DHTKD1: variants seen among roughly 807,000 people sequenced by gnomAD.
The protein encoded by DHTKD1 is 2-oxoadipate dehydrogenase complex component E1.
In DHTKD1, 78 loss-of-function variants were observed where a neutral mutation model predicts 101.8. The observed-to-expected ratio is 0.77, with a 90% confidence interval of 0.64 to 0.93. The LOEUF is 0.93. Ranked by LOEUF, DHTKD1 falls within the 40% of genes least tolerant of loss-of-function variation. The probability of loss-of-function intolerance (pLI) is 0.00; values close to 1 mark genes in which losing one functional copy is unlikely to be tolerated. For synonymous variants in DHTKD1, 462 were observed against 450.3 expected (o/e 1.03, Z -0.33); for missense variants, 1,223 against 1,161.7 (o/e 1.05, Z -0.77).
intron 6 of DHTKD1, among the ~76,000 whole-genome samples, chr10:12,093,495 C>G (rs1032070886): frequency 6.6e-6 from 1 of 152,130 alleles, no homozygotes; most frequent in Non-Finnish European, 1.5e-5. Context: ...AATTGGTCAT[C>G]TTAAGATAAA....
In DHTKD1 at chr10:12,087,297, G is replaced by C. The variant is rs1588607309; in HGVS notation, c.523-238G>C. ...CACACATTCTAAGGGGGTTTCCTTG[G>C]GGTGAGTTATTCTGCCGCTCAGGTT... On this transcript the variant is annotated intron_variant, in intron 3 of 16. Transcript: ENST00000263035. This position sits in a 1 kb window ranked among gnomAD's most constrained non-coding sequence, Gnocchi z 5.2. Among the ~76,000 whole-genome samples, 2 of 152,170 alleles carry C rather than the reference G, an allele frequency of 1.3e-5. No individual in the cohort carries two copies. The highest frequency in any genetic ancestry group is 2.9e-5 in the Non-Finnish European group (2 of 67,984).
In DHTKD1 at chr10:12,119,459, CA is replaced by C. The variant is rs769755049; in HGVS notation, c.2572+548del. On this transcript the variant is annotated intron_variant, in intron 15 of 16. Coordinates refer to ENST00000263035, the MANE Select transcript of DHTKD1 (RefSeq NM_018706.7). ...TGAAACCCCGTCTCTACTGAAAATA[CA>C]AAAAAATTAGCCGGGCGTGGTGGCG... Among the ~76,000 whole-genome samples, 521 of 143,236 alleles carry C rather than the reference CA, an allele frequency of 3.6e-3. 4 individuals carry two copies. The highest frequency in any genetic ancestry group is 7.5e-3 in the Middle Eastern group (2 of 268). 94.0% of individuals were successfully genotyped at this position (143,236 alleles called of 152,430 possible).
At chr10:12,116,874 A>G (rs1258200772) in intron 13 of DHTKD1, among the ~76,000 whole-genome samples, 6 of 150,894 alleles carry the variant, frequency 4.0e-5, no homozygotes, top group Non-Finnish European at 7.4e-5. Context: ...CAATTTTTGT[A>G]TTTTTTTGTA....
chr10:12,115,099 T>G (rs1279241400), intron 13 of DHTKD1, among the ~76,000 whole-genome samples: 1 of 29,210 alleles, frequency 3.4e-5, no homozygotes, highest in African/African-American at 8.0e-5. Flanking sequence ...CCGGCCTGTT[T>G]GAACAGTTTC....
chr10:12,116,986 C>T (rs1421685947), intron 13 of DHTKD1, among the ~76,000 whole-genome samples: 1 of 151,726 alleles, frequency 6.6e-6, no homozygotes, highest in East Asian at 1.9e-4. Flanking sequence ...CAGGCTGGAG[C>T]CACTGCAACT....
chr10:12,118,590 G>A (rs576035201), intron 14 of DHTKD1, among the ~76,000 whole-genome samples, 159 bp from the exon 15 acceptor site: 5 of 151,836 alleles, frequency 3.3e-5, no homozygotes, highest in African/African-American at 7.3e-5. Context: ...CACCGTGTTA[G>A]CCAGGATGGT....
chr10:12,100,287 G>GTTGTTTTTTTTTTTTTTTT, intron 9 of DHTKD1, 25 bp downstream of exon 9: 1 of 269,862 alleles, frequency 3.7e-6, no homozygotes, highest in African/African-American at 3.7e-5. Context: ...TTTTTTTTCT[G>GTTGTTTTTTTTTTTTTTTT]TTTTTTTTTT....
intron 1 of DHTKD1, among the ~76,000 whole-genome samples, chr10:12,078,379 C>G (rs1018658879): frequency 6.6e-6 from 1 of 151,822 alleles, no homozygotes; most frequent in African/African-American, 2.4e-5. Context: ...GAGCCATGAT[C>G]GTGCCGCTGC....
At chr10:12,114,221 A>C (rs1299336208) in intron 13 of DHTKD1, among the ~76,000 whole-genome samples, 2 of 152,146 alleles carry the variant, frequency 1.3e-5, no homozygotes, top group African/African-American at 2.4e-5. Context: ...AAAATAATAA[A>C]TACTACTAAG....
chr10:12,081,340 C>T, intron 1 of DHTKD1, 132 bp from the exon 2 acceptor site: 1 of 681,804 alleles, frequency 1.5e-6, no homozygotes, highest in Non-Finnish European at 2.5e-6. Flanking sequence ...GAGCAAGACC[C>T]TGTCTCTAAA....
intron 13 of DHTKD1, 59 bp from the exon 14 acceptor site, chr10:12,117,614 A>G: frequency 1.0e-6 from 1 of 997,984 alleles, no homozygotes; most frequent in Non-Finnish European, 1.6e-6. Flanking sequence ...GGCCCTTGTA[A>G]GTGACAGCAT....
At chr10:12,072,709 T>C (rs1001606080) in intron 1 of DHTKD1, among the ~76,000 whole-genome samples, 6 of 151,970 alleles carry the variant, frequency 3.9e-5, no homozygotes, top group African/African-American at 1.4e-4. Flanking sequence ...TGGAGGTGGG[T>C]TTAGGAGTAG....
chr10:12,091,601 G>C lies in DHTKD1; in HGVS notation c.1076G>C (p.Ser359Thr). The C allele has an allele frequency of 6.2e-7, 1 of 1,613,690 alleles. No homozygotes were observed. Among genetic ancestry groups the C allele is most frequent in the Non-Finnish European group, 8.5e-7 (1 of 1,179,944 alleles). Residue 359 changes from serine (S) to threonine (T), a missense_variant, in exon 6 of 17, where the codon AGT becomes ACT. Physicochemically the swap from Ser to Thr is moderately conservative, Grantham distance 58 (BLOSUM62 1). Coordinates refer to ENST00000263035, the MANE Select transcript of DHTKD1 (RefSeq NM_018706.7). ...CTCCCACATTTCAGAATTGGTGGGA[G>C]TGTGCATTTGATTGTTAATAACCAG... Reference protein sequence around the residue: ...SNLPHFRIGGSVHLIVNNQLG... With the variant: ...SNLPHFRIGGTVHLIVNNQLG...
chr10:12,117,585 G>T, intron 13 of DHTKD1, 88 bp from the exon 14 acceptor site: 1 of 800,746 alleles, frequency 1.2e-6, no homozygotes, highest in East Asian at 2.6e-5. Context: ...CTAGAACTTT[G>T]GTACTCGTGT....
chr10:12,081,708 TC>T, intron 2 of DHTKD1, 81 bp downstream of exon 2: 2 of 1,533,486 alleles, frequency 1.3e-6, no homozygotes, highest in Non-Finnish European at 9.0e-7. Context: ...AGAAGCAGCA[TC>T]CCCACTGGAG....
chr10:12,087,979 G>A lies in DHTKD1; in HGVS notation c.717+250G>A, dbSNP rs1443015180. Among the ~76,000 whole-genome samples, 2 of 152,116 alleles carry A rather than the reference G, an allele frequency of 1.3e-5. No individual in the cohort carries two copies. Among genetic ancestry groups the A allele is most frequent in the Non-Finnish European group, 2.9e-5 (2 of 68,026 alleles). On this transcript the variant is annotated intron_variant, in intron 4 of 16. Coordinates refer to ENST00000263035, the MANE Select transcript of DHTKD1 (RefSeq NM_018706.7). This position sits in a 1 kb window ranked among gnomAD's most constrained non-coding sequence, Gnocchi z 5.2. ...ATAAAATAAGTTAGCCAAGCATGGTGGCACGCACCCGTGTTCCCAGCTACT... is the reference window on the plus strand; with the variant it reads ...ATAAAATAAGTTAGCCAAGCATGGTAGCACGCACCCGTGTTCCCAGCTACT...
chr10:12,118,791 C>T lies in DHTKD1; in HGVS notation c.2445C>T (p.Ser815=), dbSNP rs1833467254. The T allele has an allele frequency of 2.5e-6, 4 of 1,605,644 alleles. No homozygotes were observed. The highest frequency in any genetic ancestry group is 3.4e-6 in the Non-Finnish European group (4 of 1,176,670). ...TCTGCTCCGGCAAACATTTCTACTC[C>T]CTGGTGAAACAAAGAGAATCTCTGG... ...LVFCSGKHFY[S]LVKQRESLGA... The change falls in exon 15 of 17, where the codon TCC becomes TCT. Residue 815 remains serine (S), a synonymous_variant. Transcript: ENST00000263035.
chr10:12,086,918 C>T (rs1832911763), intron 3 of DHTKD1, among the ~76,000 whole-genome samples: 1 of 152,010 alleles, frequency 6.6e-6, no homozygotes, highest in South Asian at 2.1e-4. Flanking sequence ...AACTCCTGGC[C>T]TCAAGTGATC....
Position 12,103,516 on chromosome 10 carries a change from TG to T in DHTKD1, c.1896+2336del. ...CTGTGTGTGTGTGTGTGTGTGTGTG[TG>T]TGTGTGTGTGTATGTATGTGACAGG... On this transcript the variant is annotated intron_variant, in intron 10 of 16. Transcript: ENST00000263035. This position sits in a 1 kb window ranked among gnomAD's most constrained non-coding sequence, Gnocchi z 4.8. Among the ~76,000 whole-genome samples the T allele has an allele frequency of 6.6e-6, 1 of 151,922 alleles. No homozygotes were observed. The highest frequency in any genetic ancestry group is 2.1e-4 in the South Asian group (1 of 4,802).
Sources: gnomAD v4.1 joint callset for allele counts (sites outside exome capture counted in the v4.1 genomes callset) on GRCh38, gnomAD v4.1.1 for gene constraint, Gnocchi (gnomAD v3.1) non-coding constraint, MANE v1.5 for transcripts, NCBI Gene and HGNC (gene_info 2026-07-23, HGNC 2026-07-21) for gene names.